DOCK4: variants seen among roughly 807,000 people sequenced by gnomAD.
DOCK4 encodes the protein dedicator of cytokinesis 4.
A neutral mutation model predicts 268.1 loss-of-function variants in DOCK4; 97 were observed. That is an observed-to-expected ratio of 0.36 (90% CI 0.31 to 0.43). The LOEUF (loss-of-function observed/expected upper bound fraction) is 0.43. Among genes scored for constraint, DOCK4 ranks in the 20% least tolerant of loss-of-function variants. The pLI, the probability that DOCK4 is intolerant of heterozygous loss-of-function variation, is 1.00. For missense variants in DOCK4, 2,145 were observed against 2,455.7 expected, an observed-to-expected ratio of 0.87 and a Z score of 2.67; for synonymous variants, 954 against 887.2, an observed-to-expected ratio of 1.08 and a Z score of -1.34.
intron 13 of DOCK4, 59 bp from the exon 14 acceptor site, chr7:111,901,860 G>C: frequency 1.5e-6 from 2 of 1,309,516 alleles, no homozygotes; most frequent in Non-Finnish European, 2.1e-6. Context: ...GTAATAAAGT[G>C]CTCTATCAAG....
intron 47 of DOCK4, chr7:111,739,925 AACT>A (rs536723431): frequency 2.5e-4 from 78 of 307,648 alleles, no homozygotes; most frequent in African/African-American, 1.7e-3. Flanking sequence ...AGTCTTACTG[AACT>A]ATCATAAATG....
In DOCK4 at chr7:111,863,451, C is replaced by G. The variant is rs746925964; in HGVS notation, c.2394G>C (p.Leu798=). The part of the protein sequence containing the change: ...QDTLGSLPTI[L]HVDDSLQAIK... ...TGGCCTGCAGGGAATCATCCACATGCAGGATGGTCGGCAGACTGCCCAGGG... is the reference window on the plus strand; with the variant it reads ...TGGCCTGCAGGGAATCATCCACATGGAGGATGGTCGGCAGACTGCCCAGGG... The change falls in exon 23 of 53, where the codon CTG becomes CTC. Residue 798 remains leucine, a synonymous_variant. Coordinates refer to ENST00000428084, the MANE Select transcript of DOCK4 (RefSeq NM_001363540.2). The G allele has an allele frequency of 6.2e-6, 10 of 1,613,896 alleles. No homozygotes were observed. Among genetic ancestry groups the G allele is most frequent in the Admixed American group, 5.0e-5 (3 of 60,006 alleles).
At chr7:111,920,555 T>C (rs1028812200) in intron 12 of DOCK4, among the ~76,000 whole-genome samples, 2 of 152,176 alleles carry the variant, frequency 1.3e-5, no homozygotes, top group Non-Finnish European at 1.5e-5. Flanking sequence ...TTCTTTCTTA[T>C]CATCCTACTT....
intron 20 of DOCK4, among the ~76,000 whole-genome samples, chr7:111,871,575 T>A (rs1806433551): frequency 6.6e-6 from 1 of 152,180 alleles, no homozygotes; most frequent in South Asian, 2.1e-4. Flanking sequence ...CATAAATGAA[T>A]GGATGACTTT....
At position 111,914,865 on chromosome 7, in the gene DOCK4, A is replaced by T. The variant is rs538987138; in HGVS notation, c.1192+914T>A. On this transcript the variant is annotated intron_variant, in intron 13 of 52. Coordinates refer to ENST00000428084, the MANE Select transcript of DOCK4 (RefSeq NM_001363540.2). ...CTGTTGTGTTCAGTTTTATAGCCCC[A>T]GTATTTGGAAGAATGCCTTTGTACA... 2.0e-5 allele frequency among the ~76,000 whole-genome samples: 3 copies of T among 152,330 alleles called. No homozygotes were observed. The South Asian group carries it at 6.2e-4, about 32-fold the overall frequency.
At chr7:111,758,478 G>T in intron 41 of DOCK4, 146 bp downstream of exon 41, 1 of 931,114 alleles carries the variant, frequency 1.1e-6, no homozygotes, top group Non-Finnish European at 1.6e-6. Context: ...ACGTGGAGCT[G>T]CAGAACCACT....
intron 23 of DOCK4, among the ~76,000 whole-genome samples, chr7:111,847,977 T>G (rs1804249118): frequency 6.6e-6 from 1 of 152,236 alleles, no homozygotes; most frequent in Admixed American, 6.5e-5. Flanking sequence ...GCTTGGTTTT[T>G]TCTCTCTTTG....
chr7:111,926,987 T>C (rs1586396178), intron 12 of DOCK4, among the ~76,000 whole-genome samples: 1 of 152,166 alleles, frequency 6.6e-6, no homozygotes, highest in African/African-American at 2.4e-5. Flanking sequence ...TACCTTGGTT[T>C]CTGAGTTTTA....
intron 12 of DOCK4, among the ~76,000 whole-genome samples, chr7:111,924,804 A>T (rs80253834): frequency 0.036 from 5,449 of 152,272 alleles, 329 homozygotes; most frequent in East Asian, 0.29. Context: ...CTAAAAGAAA[A>T]TACGATTTTC....
At chr7:112,131,825 T>G (rs1314093384) in intron 1 of DOCK4, among the ~76,000 whole-genome samples, 3 of 152,166 alleles carry the variant, frequency 2.0e-5, no homozygotes, top group African/African-American at 7.2e-5. Flanking sequence ...AAAGTGGGGT[T>G]GTAACACACT....
At chr7:111,737,285 G>T (rs1389073185) in intron 49 of DOCK4, among the ~76,000 whole-genome samples, 1 of 152,080 alleles carries the variant, frequency 6.6e-6, no homozygotes, top group Admixed American at 6.5e-5. Flanking sequence ...GTGCTATGAA[G>T]TTCTTTTTTT....
chr7:112,003,082 A>G (rs1277892549), intron 2 of DOCK4, among the ~76,000 whole-genome samples: 1 of 151,552 alleles, frequency 6.6e-6, no homozygotes, highest in Admixed American at 6.6e-5. Context: ...AGAAAAAAAG[A>G]AAAAAAGAAA....
At chr7:112,023,609 T>C (rs1043951960) in intron 1 of DOCK4, 1 of 449,880 alleles carries the variant, frequency 2.2e-6, no homozygotes, top group African/African-American at 2.0e-5. Context: ...AAATCAGTAA[T>C]ATTGAAGGGC....
intron 1 of DOCK4, among the ~76,000 whole-genome samples, chr7:112,056,029 T>C (rs1157794407): frequency 7.9e-5 from 12 of 152,166 alleles, no homozygotes; most frequent in Admixed American, 7.9e-4. Context: ...CCTAATACTA[T>C]GATCAGAGGA....
intron 23 of DOCK4, among the ~76,000 whole-genome samples, chr7:111,848,848 T>C (rs1372999646): frequency 6.6e-6 from 1 of 152,162 alleles, no homozygotes; most frequent in Non-Finnish European, 1.5e-5. Context: ...AACCCTCCCC[T>C]TCCACCACCT....
chr7:111,995,839 T>C (rs920088334), intron 4 of DOCK4, among the ~76,000 whole-genome samples: 36 of 152,314 alleles, frequency 2.4e-4, no homozygotes, highest in African/African-American at 8.7e-4. Context: ...ATTTTCCTTC[T>C]TTCTAGAGCT....
intron 13 of DOCK4, among the ~76,000 whole-genome samples, chr7:111,905,701 G>C (rs1327896106): frequency 6.6e-6 from 1 of 151,982 alleles, no homozygotes; most frequent in Non-Finnish European, 1.5e-5. Flanking sequence ...GTGTGTGTGT[G>C]TGTGTGTGTG....
chr7:111,729,781 G>C (rs1037095695), intron 52 of DOCK4, among the ~76,000 whole-genome samples: 1 of 152,198 alleles, frequency 6.6e-6, no homozygotes, highest in East Asian at 1.9e-4. Context: ...AGAGGCACCC[G>C]AGGTTCTGCA....
intron 12 of DOCK4, among the ~76,000 whole-genome samples, chr7:111,917,947 T>A (rs1792756304): frequency 6.6e-6 from 1 of 152,196 alleles, no homozygotes; most frequent in Non-Finnish European, 1.5e-5. Context: ...GTCACATGTG[T>A]AGAGGAAGGT....
Sources: gnomAD v4.1 joint callset for allele counts (sites outside exome capture counted in the v4.1 genomes callset) on GRCh38, gnomAD v4.1.1 for gene constraint, MANE v1.5 for transcripts, NCBI Gene and HGNC (gene_info 2026-07-23, HGNC 2026-07-21) for gene names.